Variants in MPV17L2 observed in about 807,000 individuals in gnomAD.
MPV17L2 encodes the protein mpv17-like protein 2.
In MPV17L2, 25 loss-of-function variants were observed where a neutral mutation model predicts 24.2. The observed-to-expected ratio is 1.03, with a 90% CI of 0.75 to 1.44. The LOEUF is 1.44. Ranked by LOEUF, MPV17L2 falls within the 40% of genes most tolerant of loss-of-function variation. The probability of loss-of-function intolerance (pLI) is 0.00; values close to 1 mark genes in which losing one functional copy is unlikely to be tolerated. For synonymous variants in MPV17L2, 130 were observed against 121.4 expected (o/e 1.07, Z -0.46); for missense variants, 271 against 276.2 (o/e 0.98, Z 0.13).
Position 18,194,940 on chromosome 19 carries a change from C to T in MPV17L2, c.436-18C>T. 3.1e-6 allele frequency: 5 copies of T among 1,609,176 alleles called. No homozygotes were observed. The Middle Eastern group carries it at 5.0e-4, about 160-fold the overall frequency. On this transcript the variant is annotated intron_variant, in intron 3 of 4. Coordinates refer to ENST00000599612, the MANE Select transcript of MPV17L2 (RefSeq NM_032683.3). ...CCCAGCTCTGGCCCCGCCCCTCATC[C>T]CCCGCCTCTCCCCGCAGGCAGACTG... is the stretch of plus-strand genomic sequence containing the variant.
Position 18,196,011 on chromosome 19 carries a change from C to G in MPV17L2, c.577C>G (p.Leu193Val), listed in dbSNP as rs758213871. 6.2e-7 allele frequency: 1 copy of G among 1,610,360 alleles called. No homozygotes were observed. Among genetic ancestry groups the G allele is most frequent in the South Asian group, 1.1e-5 (1 of 90,782 alleles). The change falls in exon 5 of 5, where the codon CTG (leucine) becomes GTG (valine). Residue 193 changes from leucine to valine, a missense_variant. Transcript: ENST00000599612. ...SYLKYRSPVPLTPPGCVALDT... is the reference protein window; with the variant it reads ...SYLKYRSPVPVTPPGCVALDT... ...CTTGTGTGGACAGAGCCCAGTTCCT[C>G]TGACACCCCCAGGCTGTGTGGCCCT... is the stretch of plus-strand genomic sequence containing the variant.
In MPV17L2 at chr19:18,196,508, G is replaced by T. The variant is rs1283561510; in HGVS notation, c.*453G>T. Reference sequence around the variant, plus strand: ...TCGGCCCCCAAAAGTTTCACATAGGGCCAGGCAGCCTCTGTGTTTCTTTCC... The same window carrying T: ...TCGGCCCCCAAAAGTTTCACATAGGTCCAGGCAGCCTCTGTGTTTCTTTCC... On this transcript the variant is annotated 3_prime_UTR_variant, in exon 5 of 5. Coordinates refer to ENST00000599612, the MANE Select transcript of MPV17L2 (RefSeq NM_032683.3). 4.5e-6 allele frequency: 5 copies of T among 1,102,350 alleles called. No homozygotes were observed. In the Admixed American group the frequency reaches 1.3e-4, roughly 28 times the overall value. 68.3% of individuals were successfully genotyped at this position (1,102,350 alleles called of 1,614,324 possible). A position where few individuals can be genotyped will look rare whatever the true frequency, so the allele number is the denominator to read the frequency against.
chr19:18,196,862 G>C lies in MPV17L2; in HGVS notation c.*807G>C, dbSNP rs898052580. 1 of 200,308 alleles carries C rather than the reference G, an allele frequency of 5.0e-6. No individual in the cohort carries two copies. 12.4% of individuals were successfully genotyped at this position (200,308 alleles called of 1,614,324 possible). A position where few individuals can be genotyped will look rare whatever the true frequency, so the allele number is the denominator to read the frequency against. ...GTCATGACATCTCCTAAGGAACTGG[G>C]GGGCACGTTTGACACTCATGAGGTC... On this transcript the variant is annotated 3_prime_UTR_variant, in exon 5 of 5. Transcript: ENST00000599612.
rs1235253731 is a variant in MPV17L2, at chr19:18,194,964, T to G, written c.442T>G (p.Trp148Gly). 6.3e-7 allele frequency: 1 copy of G among 1,588,880 alleles called. No homozygotes were observed. Among genetic ancestry groups the G allele is most frequent in the Admixed American group, 1.7e-5 (1 of 58,730 alleles). The change falls in exon 4 of 5, where the codon TGG becomes GGG. Residue 148 changes from tryptophan to glycine, a missense_variant. Trp to Gly is a radical substitution (Grantham distance 184, BLOSUM62 -2). Coordinates refer to ENST00000599612, the MANE Select transcript of MPV17L2 (RefSeq NM_032683.3). ...CCCCCGCCTCTCCCCGCAGGCAGACTGGTGCGTGTGGCCTGCTGCGCAGTT... is the reference window on the plus strand; with the variant it reads ...CCCCCGCCTCTCCCCGCAGGCAGACGGGTGCGTGTGGCCTGCTGCGCAGTT... ...EKFWEFYKADWCVWPAAQFVN... is the reference protein window; with the variant it reads ...EKFWEFYKADGCVWPAAQFVN...
chr19:18,193,797 A>G, intron 1 of MPV17L2, 67 bp from the exon 2 acceptor site: 2 of 1,583,934 alleles, frequency 1.3e-6, no homozygotes, highest in Non-Finnish European at 1.7e-6. Context: ...TTAGCCAGGG[A>G]GGGAGAGAGG....
In MPV17L2 at chr19:18,196,031, G is replaced by A; in HGVS notation, c.597G>A (p.Val199=). Residue 199 remains valine (V), a synonymous_variant, in exon 5 of 5, where the codon GTG becomes GTA. Coordinates refer to ENST00000599612, the MANE Select transcript of MPV17L2 (RefSeq NM_032683.3). The stretch of plus-strand genomic sequence containing the variant: ...TTCCTCTGACACCCCCAGGCTGTGT[G>A]GCCCTGGACACCCGAGCAGACTGAA... ...SPVPLTPPGC[V]ALDTRAD The A allele has an allele frequency of 1.2e-6, 2 of 1,613,768 alleles. No individual in the cohort carries two copies. Among genetic ancestry groups the A allele is most frequent in the Non-Finnish European group, 8.5e-7 (1 of 1,179,770 alleles).
intron 4 of MPV17L2, among the ~76,000 whole-genome samples, chr19:18,195,629 C>A (rs949741438): frequency 1.3e-5 from 2 of 151,666 alleles, no homozygotes; most frequent in Admixed American, 6.6e-5. Flanking sequence ...GTCAGGAGAT[C>A]GAGACCGTCC....
chr19:18,195,121 CT>C, intron 4 of MPV17L2, 35 bp downstream of exon 4: 1 of 1,607,340 alleles, frequency 6.2e-7, no homozygotes, highest in Middle Eastern at 1.7e-4. Flanking sequence ...ACCCAGGGGA[CT>C]CCCCAGGGGG....
At chr19:18,193,511 T>C in intron 1 of MPV17L2, 43 bp downstream of exon 1, 1 of 1,437,416 alleles carries the variant, frequency 7.0e-7, no homozygotes, top group South Asian at 1.5e-5. Flanking sequence ...CGGGCGACCT[T>C]TGATCCCGAC....
At chr19:18,195,261 C>T (rs1967492638) in intron 4 of MPV17L2, among the ~76,000 whole-genome samples, 175 bp downstream of exon 4, 1 of 152,176 alleles carries the variant, frequency 6.6e-6, no homozygotes, top group Non-Finnish European at 1.5e-5. Context: ...AAGACCCAGC[C>T]GTGGCTGAGC....
At chr19:18,194,192 G>A (rs1967471632) in intron 2 of MPV17L2, 158 bp downstream of exon 2, 1 of 762,588 alleles carries the variant, frequency 1.3e-6, no homozygotes, top group Non-Finnish European at 2.1e-6. Flanking sequence ...GGACGGACTC[G>A]GCCGATGTGA....
At position 18,193,390 on chromosome 19, in the gene MPV17L2, A is replaced by G. The variant is rs1425647789; in HGVS notation, c.109A>G (p.Met37Val). The change falls in exon 1 of 5, where the codon ATG becomes GTG. Residue 37 changes from methionine to valine, a missense_variant. Coordinates refer to ENST00000599612, the MANE Select transcript of MPV17L2 (RefSeq NM_032683.3). ...VTNTLGCGAL[M>V]AAGDGVRQSW... The stretch of plus-strand genomic sequence containing the variant: ...TAACACGCTGGGCTGCGGCGCGCTC[A>G]TGGCGGCCGGTGATGGCGTGCGCCA... 6.4e-7 allele frequency: 1 copy of G among 1,568,700 alleles called. No individual in the cohort carries two copies. The highest frequency in any genetic ancestry group is 1.8e-5 in the Admixed American group (1 of 56,066).
In MPV17L2 at chr19:18,194,038, A is replaced by T. The variant is rs1197230514; in HGVS notation, c.358+4A>T. ...CTGGGCGTCTGGTACTTCTTGGGTA[A>T]GGAGCCTCCTAAGCCTAGGCTTTGC... is the stretch of plus-strand genomic sequence containing the variant. On this transcript the variant is annotated splice_donor_region_variant and intron_variant, in intron 2 of 4. Transcript: ENST00000599612. 6.2e-7 allele frequency: 1 copy of T among 1,613,480 alleles called. No individual in the cohort carries two copies. The highest frequency in any genetic ancestry group is 8.5e-7 in the Non-Finnish European group (1 of 1,179,782).
Position 18,195,070 on chromosome 19 carries a change from C to G in MPV17L2, c.548C>G (p.Ser183Cys), listed in dbSNP as rs752947286. Residue 183 changes from serine to cysteine, a missense_variant, in exon 4 of 5, where the codon TCC becomes TGC. Coordinates refer to ENST00000599612, the MANE Select transcript of MPV17L2 (RefSeq NM_032683.3). ...GLTLGWDTYL[S>C]YLKYRSPVPL... ...ACGCTGGGCTGGGACACGTACCTGT[C>G]CTACTTGAAGTACCGGGTGAGTGTG... 6.2e-7 allele frequency: 1 copy of G among 1,614,138 alleles called. No individual in the cohort carries two copies. Among genetic ancestry groups the G allele is most frequent in the South Asian group, 1.1e-5 (1 of 91,078 alleles).
intron 2 of MPV17L2, chr19:18,194,252 T>A (rs912301939): frequency 1.7e-6 from 1 of 572,186 alleles, no homozygotes; most frequent in African/African-American, 1.9e-5. Flanking sequence ...GGGGCTGCCC[T>A]GGGCGGGAGG....
chr19:18,194,890 C>A (rs1238874232), intron 3 of MPV17L2, 37 bp downstream of exon 3: 1 of 1,591,396 alleles, frequency 6.3e-7, no homozygotes, highest in Non-Finnish European at 8.6e-7. Flanking sequence ...TCCGGCCCCG[C>A]CCCCTGATGG....
chr19:18,196,684 G>T lies in MPV17L2; in HGVS notation c.*629G>T. The T allele has an allele frequency of 2.9e-6, 1 of 341,338 alleles. No homozygotes were observed. 21.1% of individuals were successfully genotyped at this position (341,338 alleles called of 1,614,324 possible). On this transcript the variant is annotated 3_prime_UTR_variant, in exon 5 of 5. Transcript: ENST00000599612. ...AGGCCAGGTGTTCGAGACCAGCCTG[G>T]GCAACATAGCAAGACCCTGTCTCTA...
chr19:18,193,526 G>T, intron 1 of MPV17L2, 58 bp downstream of exon 1: 3 of 1,425,528 alleles, frequency 2.1e-6, no homozygotes, highest in South Asian at 1.5e-5. Flanking sequence ...CCCGACACCC[G>T]ACTGCGGGCC....
chr19:18,196,201 C>G lies in MPV17L2; in HGVS notation c.*146C>G. ...CTCCGGAGCATTGGGCTGAGCCGCCCTTTCCAAGCTCACTTCTGGGACTGA... is the reference window on the plus strand; with the variant it reads ...CTCCGGAGCATTGGGCTGAGCCGCCGTTTCCAAGCTCACTTCTGGGACTGA... On this transcript the variant is annotated 3_prime_UTR_variant, in exon 5 of 5. Transcript: ENST00000599612. The G allele has an allele frequency of 6.5e-7, 1 of 1,540,546 alleles. No homozygotes were observed. Among genetic ancestry groups the G allele is most frequent in the South Asian group, 1.2e-5 (1 of 84,560 alleles).
Sources: allele counts gnomAD v4.1 joint callset (sites outside exome capture counted in the v4.1 genomes callset), GRCh38; gene constraint gnomAD v4.1.1; transcripts MANE v1.5; gene names NCBI Gene and HGNC (gene_info 2026-07-23, HGNC 2026-07-21).